The following UBAC2 variants were observed in gnomAD, a reference collection of about 807,000 sequenced individuals.
The protein encoded by UBAC2 is UBA domain containing 2, also known as ubiquitin-associated domain-containing protein 2.
In UBAC2, 26 loss-of-function variants were observed where a neutral mutation model predicts 44.0. That is an observed-to-expected ratio of 0.59 (90% CI 0.43 to 0.82). The LOEUF (loss-of-function observed/expected upper bound fraction) is 0.82. UBAC2 is among the 40% of genes least tolerant of loss of function. The probability of loss-of-function intolerance (pLI) is 0.00; values close to 1 mark genes in which losing one functional copy is unlikely to be tolerated. For missense variants in UBAC2, 329 were observed against 419.4 expected, an observed-to-expected ratio of 0.78 and a Z score of 1.88; for synonymous variants, 155 against 154.3, an observed-to-expected ratio of 1.00 and a Z score of -0.04.
At chr13:99,278,294 A>G (rs532918594) in intron 4 of UBAC2, among the ~76,000 whole-genome samples, 1 of 152,304 alleles carries the variant, frequency 6.6e-6, no homozygotes, top group Non-Finnish European at 1.5e-5. Context: ...CATTATTAAT[A>G]CATGTGGCAA....
At chr13:99,306,023 G>A (rs1655037995) in intron 4 of UBAC2, among the ~76,000 whole-genome samples, 1 of 152,110 alleles carries the variant, frequency 6.6e-6, no homozygotes, top group Non-Finnish European at 1.5e-5. Context: ...ACCCTCTTGA[G>A]TAGCTGGGAT....
intron 6 of UBAC2, among the ~76,000 whole-genome samples, chr13:99,339,815 A>G (rs1409820539): frequency 6.6e-6 from 1 of 152,246 alleles, no homozygotes; most frequent in African/African-American, 2.4e-5. Context: ...TCAGTAGTTG[A>G]AAAACTGATT....
chr13:99,381,147 A>G (rs1410855906), intron 8 of UBAC2, among the ~76,000 whole-genome samples: 2 of 152,244 alleles, frequency 1.3e-5, no homozygotes, highest in Non-Finnish European at 2.9e-5. Context: ...AACCCAGCCC[A>G]GCCATCCCAG....
chr13:99,217,982 T>G (rs2043016255), intron 1 of UBAC2, among the ~76,000 whole-genome samples: 1 of 152,226 alleles, frequency 6.6e-6, no homozygotes, highest in Non-Finnish European at 1.5e-5. Context: ...TTGAAAAGTA[T>G]TATTTCTTCT....
chr13:99,377,406 G>T (rs2045495816), intron 8 of UBAC2: 1 of 152,206 alleles, frequency 6.6e-6, no homozygotes. Context: ...CGGATCAGGT[G>T]CTCATGGTGA....
At chr13:99,356,084 A>C (rs1194438031) in intron 7 of UBAC2, 1 of 504,832 alleles carries the variant, frequency 2.0e-6, no homozygotes, top group Admixed American at 2.0e-5. Flanking sequence ...CTCTGAAAAG[A>C]AATGTCATTA....
At chr13:99,308,875 G>T (rs1192410014) in intron 4 of UBAC2, 1 of 152,176 alleles carries the variant, frequency 6.6e-6, no homozygotes, top group African/African-American at 2.4e-5. Context: ...GTAATACAGA[G>T]ATTTTATGAC....
rs1359594639 is a variant in UBAC2, at chr13:99,338,058, T to C, written c.562-2262T>C. 1.9e-4 allele frequency among the ~76,000 whole-genome samples: 18 copies of C among 93,972 alleles called. 1 individual carries two copies. Among genetic ancestry groups the C allele is most frequent in the African/African-American group, 5.4e-4 (15 of 27,528 alleles). 61.6% of individuals were successfully genotyped at this position (93,972 alleles called of 152,430 possible). On this transcript the variant is annotated intron_variant, in intron 6 of 8. Transcript: ENST00000403766. ...TTTTTTCTTTTTTTCTTTTTTTTTT[T>C]TTTTTTTTTTTTTTTTTGAGACAGA...
At chr13:99,297,396 A>G (rs2044192918) in intron 4 of UBAC2, among the ~76,000 whole-genome samples, 1 of 152,194 alleles carries the variant, frequency 6.6e-6, no homozygotes, top group South Asian at 2.1e-4. Context: ...AGAACTATAC[A>G]GTATTTCCTT....
intron 8 of UBAC2, among the ~76,000 whole-genome samples, chr13:99,375,497 C>T (rs2045467761): frequency 6.6e-6 from 1 of 152,160 alleles, no homozygotes; most frequent in Admixed American, 6.5e-5. Context: ...CTACCCTGCA[C>T]CCAGTGTGAG....
At chr13:99,311,221 G>C (rs1250285523) in intron 4 of UBAC2, among the ~76,000 whole-genome samples, 1 of 152,208 alleles carries the variant, frequency 6.6e-6, no homozygotes. Context: ...GCAGTGATGA[G>C]AAGGCTGTAA....
chr13:99,266,930 G>T (rs569588115), intron 4 of UBAC2, among the ~76,000 whole-genome samples: 4 of 152,020 alleles, frequency 2.6e-5, no homozygotes, highest in Non-Finnish European at 5.9e-5. Flanking sequence ...AGTTTGTTGG[G>T]GAATGGCTGT....
At chr13:99,286,716 A>G (rs940623610) in intron 4 of UBAC2, among the ~76,000 whole-genome samples, 1 of 152,126 alleles carries the variant, frequency 6.6e-6, no homozygotes, top group Admixed American at 6.5e-5. Flanking sequence ...GTCCATGTGT[A>G]TTCAATGTTT....
At chr13:99,262,442 C>A (rs2043676885) in intron 4 of UBAC2, among the ~76,000 whole-genome samples, 1 of 152,070 alleles carries the variant, frequency 6.6e-6, no homozygotes, top group Non-Finnish European at 1.5e-5. Flanking sequence ...GTGGCTCATG[C>A]CTGTAATCCC....
intron 4 of UBAC2, chr13:99,294,922 T>A (rs979079480): frequency 5.8e-5 from 51 of 873,602 alleles, no homozygotes; most frequent in Non-Finnish European, 8.6e-5. Flanking sequence ...ACTTCCGAGT[T>A]GGAGATGGGA....
intron 4 of UBAC2, among the ~76,000 whole-genome samples, chr13:99,247,873 C>CTCTTT (rs1555322990): frequency 1.3e-5 from 2 of 148,730 alleles, no homozygotes; most frequent in African/African-American, 2.5e-5. Context: ...CTCTCTCTCT[C>CTCTTT]TTTTTTTTTT....
chr13:99,376,919 C>A (rs1418495000), intron 8 of UBAC2: 1 of 152,216 alleles, frequency 6.6e-6, no homozygotes, highest in Non-Finnish European at 1.5e-5. Flanking sequence ...ATTTTCCAGA[C>A]CAATGAATGA....
chr13:99,352,645 A>G (rs2045111695), intron 7 of UBAC2, among the ~76,000 whole-genome samples: 1 of 152,178 alleles, frequency 6.6e-6, no homozygotes, highest in South Asian at 2.1e-4. Flanking sequence ...TCTTGGCCTC[A>G]CCAGTGCTAC....
At position 99,243,968 on chromosome 13, in the gene UBAC2, T is replaced by A; in HGVS notation, c.279+17T>A. ...AAATTTGCAGTAAGTTTTTATGTAT[T>A]TTGTCTTTGCTACTTAGGCTGTAGA... On this transcript the variant is annotated intron_variant, in intron 3 of 8. Transcript: ENST00000403766. 1 of 1,514,438 alleles carries A rather than the reference T, an allele frequency of 6.6e-7. No individual in the cohort carries two copies. The highest frequency in any genetic ancestry group is 1.3e-5 in the South Asian group (1 of 77,972). 93.8% of individuals were successfully genotyped at this position (1,514,438 alleles called of 1,614,324 possible).
Sources: gnomAD v4.1 joint callset for allele counts (sites outside exome capture counted in the v4.1 genomes callset) on GRCh38, gnomAD v4.1.1 for gene constraint, MANE v1.5 for transcripts, NCBI Gene and HGNC (gene_info 2026-07-23, HGNC 2026-07-21) for gene names.